The following TYW1B variants were observed in gnomAD, a reference collection of about 807,000 sequenced individuals.
TYW1B encodes S-adenosyl-L-methionine-dependent tRNA 4-demethylwyosine synthase TYW1B.
A neutral mutation model predicts 86.9 loss-of-function variants in TYW1B; 73 were observed. The ratio of observed to expected loss-of-function variants is 0.84; its 90% CI spans 0.70 to 1.02. The LOEUF (loss-of-function observed/expected upper bound fraction) is 1.02. TYW1B is among the 50% of genes least tolerant of loss of function. TYW1B has a pLI of 0.00. For missense variants in TYW1B, 637 were observed against 827.4 expected, an observed-to-expected ratio of 0.77 and a Z score of 2.82; for synonymous variants, 248 against 292.8, an observed-to-expected ratio of 0.85 and a Z score of 1.56.
chr7:72,681,129 A>G (rs2948337), intron 11 of TYW1B, among the ~76,000 whole-genome samples: 104,752 of 145,874 alleles, frequency 0.72, 35,808 homozygotes, highest in Middle Eastern at 0.84. Flanking sequence ...CAGAGCCAGT[A>G]TCCAAACCTT....
At chr7:72,592,851 T>TTA (rs1278625071) in intron 13 of TYW1B, among the ~76,000 whole-genome samples, 1 of 152,254 alleles carries the variant, frequency 6.6e-6, no homozygotes, top group East Asian at 1.9e-4. Flanking sequence ...CATATAACTA[T>TTA]TATAAACATT....
chr7:72,797,607 C>T (rs1207602744), intron 6 of TYW1B, among the ~76,000 whole-genome samples: 2 of 152,164 alleles, frequency 1.3e-5, no homozygotes, highest in Non-Finnish European at 2.9e-5. Flanking sequence ...GTCCCAGCTA[C>T]TCAGGAGGCC....
chr7:72,717,686 C>A (rs1242075145), intron 9 of TYW1B, among the ~76,000 whole-genome samples: 1 of 151,414 alleles, frequency 6.6e-6, no homozygotes, highest in Non-Finnish European at 1.5e-5. Context: ...CACTCTAATT[C>A]TCTCTCTCTC....
chr7:72,645,994 T>A (rs1812920598), intron 11 of TYW1B, among the ~76,000 whole-genome samples: 1 of 148,422 alleles, frequency 6.7e-6, no homozygotes, highest in Admixed American at 6.8e-5. Context: ...TGTTATATGT[T>A]ATATATATTA....
intron 11 of TYW1B, among the ~76,000 whole-genome samples, chr7:72,685,212 A>G (rs137876663): frequency 0.98 from 149,282 of 151,962 alleles, 73,331 homozygotes; most frequent in East Asian, 1. Flanking sequence ...TTCAATTACT[A>G]GTAGACCTAT....
chr7:72,652,640 A>C (rs1813093147), intron 11 of TYW1B, among the ~76,000 whole-genome samples: 2 of 152,170 alleles, frequency 1.3e-5, no homozygotes, highest in South Asian at 4.1e-4. Flanking sequence ...ACTTACAGAA[A>C]GTCAGCTGTA....
chr7:72,812,243 T>G (rs1485743944), intron 3 of TYW1B, among the ~76,000 whole-genome samples: 2 of 151,940 alleles, frequency 1.3e-5, no homozygotes, highest in Admixed American at 1.3e-4. Context: ...ACACATAGCC[T>G]GTAGATAACT....
rs1304314632 is a variant in TYW1B at position 72,626,085 on chromosome 7, A to C, written c.1617+2802T>G. Among the ~76,000 whole-genome samples, 20 of 151,884 alleles carry C rather than the reference A, an allele frequency of 1.3e-4. No homozygotes were observed. The East Asian group carries it at 1.7e-3, about 13-fold the overall frequency. On this transcript the variant is annotated intron_variant, in intron 12 of 13. Coordinates refer to ENST00000620995, the MANE Select transcript of TYW1B (RefSeq NM_001145440.3). ...AGCTGATACATATATTTTCAGCTGC[A>C]GTTTGTATCTTTGCATCATTAGAGC... is the stretch of plus-strand genomic sequence containing the variant.
chr7:72,762,535 A>G (rs1787701652), intron 7 of TYW1B, among the ~76,000 whole-genome samples: 1 of 152,170 alleles, frequency 6.6e-6, no homozygotes, highest in Non-Finnish European at 1.5e-5. Context: ...GTTTTCCTTC[A>G]GTATAATTTG....
chr7:72,706,510 G>GA (rs1196039767), intron 10 of TYW1B, among the ~76,000 whole-genome samples: 1 of 150,182 alleles, frequency 6.7e-6, no homozygotes, highest in Non-Finnish European at 1.5e-5. Flanking sequence ...GACTGCATAT[G>GA]AAACACACAA....
At chr7:72,639,893 T>A (rs1585868638) in intron 11 of TYW1B, among the ~76,000 whole-genome samples, 2 of 148,092 alleles carry the variant, frequency 1.4e-5, no homozygotes, top group South Asian at 2.1e-4. Flanking sequence ...AATGGTAAGG[T>A]CATGTGAGGT....
intron 6 of TYW1B, among the ~76,000 whole-genome samples, chr7:72,791,031 G>A (rs1788209261): frequency 6.6e-6 from 1 of 152,194 alleles, no homozygotes; most frequent in African/African-American, 2.4e-5. Flanking sequence ...TTGTTTCATG[G>A]ACTATGGACT....
intron 11 of TYW1B, among the ~76,000 whole-genome samples, chr7:72,655,490 A>T (rs1813179433): frequency 6.6e-6 from 1 of 152,070 alleles, no homozygotes; most frequent in African/African-American, 2.4e-5. Context: ...ACATCCCTGG[A>T]GCCCTGCTGG....
At chr7:72,662,749 G>A (rs1422924355) in intron 11 of TYW1B, among the ~76,000 whole-genome samples, 2 of 152,052 alleles carry the variant, frequency 1.3e-5, no homozygotes, top group Non-Finnish European at 2.9e-5. Context: ...CTATGAAAGT[G>A]GCAAATGAGT....
At chr7:72,731,483 C>A (rs1348003550) in intron 8 of TYW1B, among the ~76,000 whole-genome samples, 4 of 144,272 alleles carry the variant, frequency 2.8e-5, no homozygotes, top group African/African-American at 1.0e-4. Flanking sequence ...CCATGAATAA[C>A]CTTGAATGTA....
At chr7:72,615,225 A>C (rs1812040952) in intron 13 of TYW1B, among the ~76,000 whole-genome samples, 1 of 152,256 alleles carries the variant, frequency 6.6e-6, no homozygotes, top group Non-Finnish European at 1.5e-5. Context: ...AAGAGAAGAA[A>C]TCTTACAGAC....
rs1164627437 is a variant in TYW1B at position 72,722,997 on chromosome 7, G to A, written c.1192+5825C>T. 1.0e-5 allele frequency: 7 copies of A among 697,820 alleles called. No homozygotes were observed. The Admixed American group carries it at 1.3e-4, about 13-fold the overall frequency. The allele number at this position is 697,820 out of a possible 1,614,324, so 43.2% of individuals were successfully genotyped here. A position where few individuals can be genotyped will look rare whatever the true frequency, so the allele number is the denominator to read the frequency against. On this transcript the variant is annotated intron_variant, in intron 9 of 13. Transcript: ENST00000620995. ...CCCTGCACTGGATACCTAAGCCTTG[G>A]GAATGGACACGGCCGCCACCTCGAA...
chr7:72,609,545 T>C (rs1811885111), intron 13 of TYW1B, among the ~76,000 whole-genome samples: 1 of 151,174 alleles, frequency 6.6e-6, no homozygotes, highest in Non-Finnish European at 1.5e-5. Context: ...GGTGACAGAG[T>C]GAGATGAGAC....
chr7:72,792,930 C>T (rs538649927), intron 6 of TYW1B, among the ~76,000 whole-genome samples: 6 of 152,232 alleles, frequency 3.9e-5, no homozygotes, highest in South Asian at 2.1e-4. Context: ...CAATAAAATA[C>T]CTGCAAGAAT....
Sources: gnomAD v4.1 joint callset for allele counts (sites outside exome capture counted in the v4.1 genomes callset) on GRCh38, gnomAD v4.1.1 for gene constraint, MANE v1.5 for transcripts, NCBI Gene and HGNC (gene_info 2026-07-23, HGNC 2026-07-21) for gene names.